BEND7: variants seen among roughly 807,000 people sequenced by gnomAD.
BEND7 encodes the protein BEN domain-containing protein 7.
In BEND7, 28 loss-of-function variants were observed where a neutral mutation model predicts 50.9. The observed-to-expected ratio is 0.55, with a 90% confidence interval of 0.41 to 0.75. The LOEUF (loss-of-function observed/expected upper bound fraction) is 0.75, where lower values mean the gene tolerates loss of function less well. BEND7 is among the 30% of genes least tolerant of loss of function. The pLI is 0.00. For synonymous variants in BEND7, 170 were observed against 183.9 expected, an observed-to-expected ratio of 0.92 and a Z score of 0.61; for missense variants, 477 against 491.3, an observed-to-expected ratio of 0.97 and a Z score of 0.28.
chr10:13,497,208 A>G (rs888082502), intron 3 of BEND7, among the ~76,000 whole-genome samples: 1 of 152,242 alleles, frequency 6.6e-6, no homozygotes, highest in African/African-American at 2.4e-5. Flanking sequence ...TCAAATAACA[A>G]CACCTCAAAA....
chr10:13,445,319 C>G (rs1043613021), intron 8 of BEND7: 1 of 152,148 alleles, frequency 6.6e-6, no homozygotes, highest in Non-Finnish European at 1.5e-5. Flanking sequence ...GGCCGACTGA[C>G]GACGAACATT....
chr10:13,480,558 C>A, intron 6 of BEND7: 1 of 822,678 alleles, frequency 1.2e-6, no homozygotes, highest in African/African-American at 1.9e-5. Flanking sequence ...ATTCTCATAA[C>A]TCAAACTTTA....
chr10:13,483,648 C>T (rs1156752005), intron 5 of BEND7, among the ~76,000 whole-genome samples: 1 of 152,184 alleles, frequency 6.6e-6, no homozygotes, highest in Non-Finnish European at 1.5e-5. Flanking sequence ...AGAACAGTGA[C>T]CCAGCTGTTT....
chr10:13,439,569 C>A (rs2130774298), downstream of BEND7: 12 of 1,436,312 alleles, frequency 8.4e-6, no homozygotes, highest in Non-Finnish European at 1.1e-5. Flanking sequence ...AATCGTCACA[C>A]CCTGTGTCCT....
chr10:13,438,725 G>A (rs989656140), downstream of BEND7: 1 of 158,214 alleles, frequency 6.3e-6, no homozygotes, highest in African/African-American at 2.4e-5. Context: ...TCCAATTATA[G>A]AAGAGCACTG....
At chr10:13,471,910 A>AT (rs1207369924) in intron 6 of BEND7, among the ~76,000 whole-genome samples, 1 of 152,204 alleles carries the variant, frequency 6.6e-6, no homozygotes, top group Non-Finnish European at 1.5e-5. Flanking sequence ...CTTGAGGCCG[A>AT]TACCCGTCAT....
At chr10:13,506,974 C>G (rs572464746) in intron 2 of BEND7, among the ~76,000 whole-genome samples, 1 of 152,034 alleles carries the variant, frequency 6.6e-6, no homozygotes, top group Non-Finnish European at 1.5e-5. Flanking sequence ...TGAAGAAAAT[C>G]TGGATAAAAG....
rs2078108373 is a variant in BEND7, at chr10:13,509,212, G to A, written c.146-9132C>T. On this transcript the variant is annotated intron_variant, in intron 2 of 8. Coordinates refer to ENST00000466271, the MANE Select transcript of BEND7 (RefSeq NM_001369863.1). ...GACAGAGTCCTAGGAGGGGAATAAG[G>A]AACAAACAATTTTCTTAGATGTCCT... is the stretch of plus-strand genomic sequence containing the variant. 4.6e-5 allele frequency among the ~76,000 whole-genome samples: 7 copies of A among 152,170 alleles called. No homozygotes were observed. In the South Asian group the frequency reaches 1.5e-3, roughly 32 times the overall value.
intron 2 of BEND7, among the ~76,000 whole-genome samples, chr10:13,524,083 T>A (rs2079263289): frequency 1.3e-5 from 2 of 152,230 alleles, no homozygotes; most frequent in Admixed American, 6.5e-5. Flanking sequence ...CTATCATCTC[T>A]GGGAGTTTCC....
intron 2 of BEND7, among the ~76,000 whole-genome samples, chr10:13,510,923 A>C (rs1264317120): frequency 1.3e-5 from 2 of 152,178 alleles, no homozygotes; most frequent in African/African-American, 2.4e-5. Context: ...CACGCCTATA[A>C]TCCCAGCACT....
chr10:13,503,712 A>AAAACAAACAAACAAAC (rs71386198), intron 2 of BEND7, among the ~76,000 whole-genome samples: 50 of 151,238 alleles, frequency 3.3e-4, no homozygotes, highest in Non-Finnish European at 4.4e-4. Context: ...ACTCCATCTC[A>AAAACAAACAAACAAAC]AAACAAACAA....
intron 4 of BEND7, among the ~76,000 whole-genome samples, chr10:13,496,248 T>G (rs981094798): frequency 6.6e-6 from 1 of 152,198 alleles, no homozygotes; most frequent in African/African-American, 2.4e-5. Flanking sequence ...AATCCCAAAT[T>G]ACAAATCCAC....
chr10:13,474,091 C>T (rs1377883379), intron 6 of BEND7, among the ~76,000 whole-genome samples: 7 of 150,570 alleles, frequency 4.6e-5, no homozygotes, highest in Admixed American at 6.6e-5. Context: ...GACACAGGGC[C>T]GATACCTGTC....
At chr10:13,480,614 C>A in intron 6 of BEND7, 1 of 980,788 alleles carries the variant, frequency 1.0e-6, no homozygotes, top group Non-Finnish European at 1.2e-6. Context: ...TACAAATTAC[C>A]TGCATTTTAA....
chr10:13,449,786 A>T (rs996986150), intron 7 of BEND7, among the ~76,000 whole-genome samples: 9 of 152,226 alleles, frequency 5.9e-5, no homozygotes, highest in African/African-American at 2.2e-4. Flanking sequence ...TAACCAAAAA[A>T]ATATATAGAT....
intron 6 of BEND7, among the ~76,000 whole-genome samples, chr10:13,475,320 A>C (rs972289987): frequency 6.6e-6 from 1 of 152,262 alleles, no homozygotes; most frequent in Non-Finnish European, 1.5e-5. Context: ...TTAACAGGTG[A>C]TTAGTCACCT....
chr10:13,523,225 A>G (rs2079197605), intron 2 of BEND7, among the ~76,000 whole-genome samples: 1 of 152,244 alleles, frequency 6.6e-6, no homozygotes, highest in African/African-American at 2.4e-5. Flanking sequence ...CTGTAGTCCC[A>G]TCACAGCCAG....
intron 2 of BEND7, chr10:13,500,420 A>G: frequency 2.7e-6 from 2 of 749,572 alleles, no homozygotes; most frequent in Non-Finnish European, 3.4e-6. Flanking sequence ...ACAGAAGGTC[A>G]AGGATAGAAC....
intron 6 of BEND7, among the ~76,000 whole-genome samples, chr10:13,470,436 G>A (rs2074701991): frequency 6.6e-6 from 1 of 151,300 alleles, no homozygotes; most frequent in Non-Finnish European, 1.5e-5. Context: ...ACCCCTAGTG[G>A]TGGTGTTAAA....
Sources: gnomAD v4.1 joint callset for allele counts (sites outside exome capture counted in the v4.1 genomes callset) on GRCh38, gnomAD v4.1.1 for gene constraint, MANE v1.5 for transcripts, NCBI Gene and HGNC (gene_info 2026-07-23, HGNC 2026-07-21) for gene names.